The following LARGE1 variants were observed in gnomAD, a reference collection of about 807,000 sequenced individuals.
LARGE1 encodes the protein xylosyl- and glucuronyltransferase LARGE1.
LARGE1 carries 43 observed loss-of-function variants against 87.6 expected under a neutral mutation model. The observed-to-expected ratio is 0.49, with a 90% CI of 0.38 to 0.63. The LOEUF (loss-of-function observed/expected upper bound fraction) is 0.63. LARGE1 is among the 30% of genes least tolerant of loss of function. LARGE1 has a pLI of 0.00. For synonymous variants in LARGE1, 434 were observed against 394.6 expected (o/e 1.10, Z -1.18); for missense variants, 802 against 1,000.2 (o/e 0.80, Z 2.67).
At chr22:33,802,800 G>A (rs574316214) in intron 1 of LARGE1, among the ~76,000 whole-genome samples, 9 of 152,196 alleles carry the variant, frequency 5.9e-5, no homozygotes, top group East Asian at 1.9e-4. Context: ...ACCAGGGTAC[G>A]GATTCATTAG....
intron 1 of LARGE1, among the ~76,000 whole-genome samples, chr22:33,827,129 G>A (rs1286988306): frequency 2.0e-5 from 3 of 151,926 alleles, no homozygotes; most frequent in African/African-American, 4.8e-5. Context: ...TTGGGAGGCC[G>A]AGGCGGGCAG....
At chr22:33,380,309 C>T (rs375541489) in intron 9 of LARGE1, among the ~76,000 whole-genome samples, 4 of 152,092 alleles carry the variant, frequency 2.6e-5, no homozygotes, top group South Asian at 2.1e-4. Flanking sequence ...GAATAAATGC[C>T]GATGGAAGGA....
intron 11 of LARGE1, among the ~76,000 whole-genome samples, chr22:33,248,679 G>T (rs1297932807): frequency 6.6e-6 from 1 of 152,166 alleles, no homozygotes; most frequent in East Asian, 1.9e-4. Context: ...ATCATACAGA[G>T]TATTTCCACT....
the LARGE1 span, among the ~76,000 whole-genome samples, chr22:33,070,845 G>A: frequency 2.6e-5 from 4 of 152,116 alleles, no homozygotes; most frequent in African/African-American, 9.7e-5. Context: ...AACAGCATGA[G>A]CAAAGGCTCG....
At chr22:33,528,137 G>A (rs1265150929) in intron 6 of LARGE1, among the ~76,000 whole-genome samples, 1 of 150,850 alleles carries the variant, frequency 6.6e-6, no homozygotes, top group Non-Finnish European at 1.5e-5. Flanking sequence ...GGTCGGGGGG[G>A]GCGGGGCGGG....
the LARGE1 span, among the ~76,000 whole-genome samples, chr22:33,128,069 C>T: frequency 2.0e-5 from 3 of 152,122 alleles, no homozygotes; most frequent in Admixed American, 2.0e-4. Flanking sequence ...CAGAGAAAAA[C>T]CTTTTTTAAA....
intron 4 of LARGE1, among the ~76,000 whole-genome samples, chr22:33,609,551 G>C (rs2149002399): frequency 6.6e-6 from 1 of 152,290 alleles, no homozygotes; most frequent in East Asian, 1.9e-4. Flanking sequence ...CATTCAGCAG[G>C]GAAGTGCAGT....
chr22:33,672,865 G>A (rs1239111482), intron 2 of LARGE1, among the ~76,000 whole-genome samples: 1 of 152,218 alleles, frequency 6.6e-6, no homozygotes, highest in Non-Finnish European at 1.5e-5. Flanking sequence ...GAAGAAGGCA[G>A]ATATGGTCTC....
chr22:33,780,450 G>C (rs1226647887), intron 1 of LARGE1, among the ~76,000 whole-genome samples: 1 of 152,152 alleles, frequency 6.6e-6, no homozygotes, highest in Non-Finnish European at 1.5e-5. Context: ...AAGAGCAGTG[G>C]GGCTCACTCC....
intron 5 of LARGE1, among the ~76,000 whole-genome samples, chr22:33,576,659 A>G (rs1249681186): frequency 6.6e-6 from 1 of 152,184 alleles, no homozygotes; most frequent in African/African-American, 2.4e-5. Flanking sequence ...GTGTGTGTAT[A>G]CATACCCTCT....
At chr22:33,452,648 G>A (rs959012541) in intron 6 of LARGE1, among the ~76,000 whole-genome samples, 3 of 152,140 alleles carry the variant, frequency 2.0e-5, no homozygotes, top group African/African-American at 4.8e-5. Flanking sequence ...AAGGCCACAC[G>A]GTGGATTTGT....
intron 11 of LARGE1, among the ~76,000 whole-genome samples, chr22:33,187,720 C>T (rs1290041584): frequency 6.6e-6 from 1 of 151,728 alleles, no homozygotes; most frequent in Non-Finnish European, 1.5e-5. Flanking sequence ...AGATTGAGAC[C>T]ATCCTGGCTA....
intron 1 of LARGE1, among the ~76,000 whole-genome samples, chr22:33,906,691 T>C (rs1422266876): frequency 6.6e-6 from 1 of 152,160 alleles, no homozygotes. Context: ...AGAAAACTCC[T>C]GAAAAACTGC....
At chr22:33,445,311 C>T (rs1040150884) in intron 6 of LARGE1, among the ~76,000 whole-genome samples, 2 of 152,128 alleles carry the variant, frequency 1.3e-5, no homozygotes, top group Non-Finnish European at 2.9e-5. Flanking sequence ...TAAAACAGGA[C>T]GAGGTCCACT....
chr22:33,373,541 C>T (rs558656101), intron 9 of LARGE1, among the ~76,000 whole-genome samples: 2 of 152,278 alleles, frequency 1.3e-5, no homozygotes, highest in South Asian at 4.1e-4. Flanking sequence ...ATGTGATTTT[C>T]AGGTCATACA....
At chr22:33,534,419 A>G (rs1253532806) in intron 6 of LARGE1, among the ~76,000 whole-genome samples, 1 of 148,046 alleles carries the variant, frequency 6.8e-6, no homozygotes, top group African/African-American at 2.5e-5. Flanking sequence ...CAAACAGACA[A>G]AAAAAAAAAG....
Position 33,915,222 on chromosome 22 carries a change from T to C in LARGE1, c.-83+4773A>G, listed in dbSNP as rs551199776. Among the ~76,000 whole-genome samples, 10 of 152,304 alleles carry C rather than the reference T, an allele frequency of 6.6e-5. No individual in the cohort carries two copies. The South Asian group carries it at 1.7e-3, about 25-fold the overall frequency. On this transcript the variant is annotated intron_variant, in intron 1 of 14. Coordinates refer to ENST00000397394, the MANE Select transcript of LARGE1 (RefSeq NM_133642.5). ...CACTGTTGCTTGCTCTTCCTCACCA[T>C]AGTTTCCTCATCCCAAGAAACACAC...
intron 5 of LARGE1, among the ~76,000 whole-genome samples, chr22:33,593,054 T>C (rs547093546): frequency 2.6e-5 from 4 of 152,362 alleles, no homozygotes; most frequent in Admixed American, 2.0e-4. Context: ...TTAGCCAGGA[T>C]GGTCTCAATC....
chr22:33,267,700 G>A (rs1928027550), downstream of LARGE1, among the ~76,000 whole-genome samples: 1 of 151,176 alleles, frequency 6.6e-6, no homozygotes, highest in East Asian at 1.9e-4. Flanking sequence ...TTGCTAGGCC[G>A]CTGCACATAA....
Sources: gnomAD v4.1 joint callset for allele counts (sites outside exome capture counted in the v4.1 genomes callset) on GRCh38, gnomAD v4.1.1 for gene constraint, MANE v1.5 for transcripts, NCBI Gene and HGNC (gene_info 2026-07-23, HGNC 2026-07-21) for gene names.